Variants in MGLL observed in about 807,000 individuals in gnomAD.
The protein encoded by MGLL is monoglyceride lipase, also known as lysophospholipase homolog.
A neutral mutation model predicts 29.1 loss-of-function variants in MGLL; 7 were observed. That is an observed-to-expected ratio of 0.24 (90% CI 0.14 to 0.45). The LOEUF (loss-of-function observed/expected upper bound fraction) is 0.45. MGLL is among the 20% of genes least tolerant of loss of function. The pLI, the probability that MGLL is intolerant of heterozygous loss-of-function variation, is 0.99. For missense variants in MGLL, 356 were observed against 413.6 expected (o/e 0.86, Z 1.21); for synonymous variants, 148 against 168.3 (o/e 0.88, Z 0.93).
rs73203038 is a variant in MGLL, at chr3:127,707,688, G to T, written c.600+2888C>A. On this transcript the variant is annotated intron_variant, in intron 6 of 7. Coordinates refer to ENST00000265052, the MANE Select transcript of MGLL (RefSeq NM_007283.7). ...ACTTCCTGGGGTCATGGTGAGACCA[G>T]AAGGGCTCTAGTGTCTGGCACAGAA... Among the ~76,000 whole-genome samples the T allele has an allele frequency of 5.7e-3, 866 of 152,350 alleles. 3 individuals carry two copies. Among genetic ancestry groups the T allele is most frequent in the Non-Finnish European group, 8.6e-3 (586 of 68,028 alleles).
chr3:127,708,906 A>G (rs1299333375), intron 6 of MGLL, among the ~76,000 whole-genome samples: 1 of 152,240 alleles, frequency 6.6e-6, no homozygotes, highest in Non-Finnish European at 1.5e-5. Flanking sequence ...AACAGAGCTT[A>G]ATGACCATAA....
chr3:127,774,094 G>C (rs2076993554), intron 3 of MGLL, among the ~76,000 whole-genome samples: 1 of 152,192 alleles, frequency 6.6e-6, no homozygotes, highest in Non-Finnish European at 1.5e-5. Flanking sequence ...AGCAGCCTCT[G>C]TTCCTCCTCC....
At position 127,698,361 on chromosome 3, in the gene MGLL, C is replaced by T. The variant is rs1223824533; in HGVS notation, c.601-3171G>A. Among the ~76,000 whole-genome samples, 7 of 152,272 alleles carry T rather than the reference C, an allele frequency of 4.6e-5. No homozygotes were observed. In the South Asian group the frequency reaches 1.4e-3, roughly 32 times the overall value. ...TTTTTTGACAGCTTAAGATCTCAAT[C>T]CACCAAAAGTCCTAGGAATGTGGCT... On this transcript the variant is annotated intron_variant, in intron 6 of 7. Transcript: ENST00000265052.
rs1559926463 is a variant in MGLL at position 127,726,202 on chromosome 3, GAAAGACA to G, written c.263-3643_263-3637del. ...AAAGAAAGAAAAGAAAAGAAAGAAA[GAAAGACA>G]GAAGGAAGGAAAGAGAAAGAAAGAG... On this transcript the variant is annotated intron_variant, in intron 3 of 7. Coordinates refer to ENST00000265052, the MANE Select transcript of MGLL (RefSeq NM_007283.7). Among the ~76,000 whole-genome samples, 5 of 119,132 alleles carry G rather than the reference GAAAGACA, an allele frequency of 4.2e-5. 1 individual carries two copies. The highest frequency in any genetic ancestry group is 9.6e-5 in the Non-Finnish European group (5 of 52,334). The allele number at this position is 119,132 out of a possible 152,430, so 78.2% of individuals were successfully genotyped here. A position where few individuals can be genotyped will look rare whatever the true frequency, so the allele number is the denominator to read the frequency against.
intron 5 of MGLL, chr3:127,710,989 G>C: frequency 2.5e-6 from 1 of 397,778 alleles, no homozygotes; most frequent in East Asian, 5.8e-5. Flanking sequence ...TCACTGGCAA[G>C]AGTTGCCTGG....
chr3:127,694,336 T>C (rs2075311904), intron 7 of MGLL, among the ~76,000 whole-genome samples: 4 of 84,182 alleles, frequency 4.8e-5, no homozygotes, highest in Non-Finnish European at 9.4e-5. Context: ...TATGTGTATA[T>C]ATATGTATGT....
chr3:127,703,790 G>A lies in MGLL; in HGVS notation c.600+6786C>T, dbSNP rs533370464. Reference sequence around the variant, plus strand: ...CCACAGAATAGGAGAAAATACTTGCGAATTATATTTGTATATGTGGTTAAT... The same window carrying A: ...CCACAGAATAGGAGAAAATACTTGCAAATTATATTTGTATATGTGGTTAAT... On this transcript the variant is annotated intron_variant, in intron 6 of 7. Coordinates refer to ENST00000265052, the MANE Select transcript of MGLL (RefSeq NM_007283.7). Among the ~76,000 whole-genome samples the A allele has an allele frequency of 1.8e-3, 268 of 152,270 alleles. 1 individual carries two copies. Among genetic ancestry groups the A allele is most frequent in the African/African-American group, 6.0e-3 (249 of 41,544 alleles).
At chr3:127,818,001 C>A (rs2077788056) in intron 2 of MGLL, among the ~76,000 whole-genome samples, 1 of 152,244 alleles carries the variant, frequency 6.6e-6, no homozygotes, top group African/African-American at 2.4e-5. Flanking sequence ...TGCTCTGTCA[C>A]CCAGGCTGGA....
At chr3:127,769,324 C>G (rs562356478) in intron 3 of MGLL, among the ~76,000 whole-genome samples, 34 of 150,628 alleles carry the variant, frequency 2.3e-4, no homozygotes, top group African/African-American at 7.1e-4. Context: ...GCACTCCAGC[C>G]TGGGCAACAC....
intron 2 of MGLL, among the ~76,000 whole-genome samples, chr3:127,805,891 C>A (rs2077556734): frequency 6.6e-6 from 1 of 152,204 alleles, no homozygotes; most frequent in Non-Finnish European, 1.5e-5. Flanking sequence ...TCGTTTCCTG[C>A]CCCTTTCCAA....
At chr3:127,818,338 ATTG>A (rs899297325) in intron 2 of MGLL, among the ~76,000 whole-genome samples, 30 of 150,604 alleles carry the variant, frequency 2.0e-4, no homozygotes, top group African/African-American at 4.9e-4. Context: ...GTTTTTTGTT[ATTG>A]TTGTTGTTGT....
intron 7 of MGLL, among the ~76,000 whole-genome samples, chr3:127,694,014 G>A (rs1234810779): frequency 2.0e-5 from 3 of 152,094 alleles, no homozygotes; most frequent in Non-Finnish European, 4.4e-5. Context: ...GCTCACGCCT[G>A]CAATCCCAGC....
In MGLL at chr3:127,761,322, T is replaced by G. The variant is rs996195926; in HGVS notation, c.262+20467A>C. 5.3e-5 allele frequency among the ~76,000 whole-genome samples: 8 copies of G among 152,232 alleles called. No homozygotes were observed. Among genetic ancestry groups the G allele is most frequent in the African/African-American group, 1.9e-4 (8 of 41,546 alleles). On this transcript the variant is annotated intron_variant, in intron 3 of 7. Coordinates refer to ENST00000265052, the MANE Select transcript of MGLL (RefSeq NM_007283.7). This position sits in a 1 kb window ranked among gnomAD's most constrained non-coding sequence, Gnocchi z 4.6. ...CAAACTGGCTTCTCCCCTGCTGCTG[T>G]GTCTTGTTAGAGCCACCGTGTTGTG...
At chr3:127,708,625 G>C (rs782451) in intron 6 of MGLL, among the ~76,000 whole-genome samples, 85,458 of 152,166 alleles carry the variant, frequency 0.56, 26,918 homozygotes, top group African/African-American at 0.86. Flanking sequence ...GATAAACAAC[G>C]TGGATTTGCA....
Position 127,817,213 on chromosome 3 carries a change from G to A in MGLL, c.155+4481C>T, listed in dbSNP as rs79646777. Among the ~76,000 whole-genome samples the A allele has an allele frequency of 8.1e-4, 123 of 152,358 alleles. 1 individual carries two copies. The South Asian group carries it at 9.5e-3, about 12-fold the overall frequency. On this transcript the variant is annotated intron_variant, in intron 2 of 7. Transcript: ENST00000265052. ...AATGCAGGGGAATTTGGAACAAAAT[G>A]CTAAACAGAGATTTAAAGGAGGAGG...
intron 3 of MGLL, among the ~76,000 whole-genome samples, chr3:127,735,180 C>T (rs1419044092): frequency 6.6e-6 from 1 of 152,210 alleles, no homozygotes; most frequent in African/African-American, 2.4e-5. Context: ...TAAAGGAAGT[C>T]ATAAACTCAT....
intron 5 of MGLL, among the ~76,000 whole-genome samples, chr3:127,718,162 G>T (rs1024680736): frequency 6.6e-6 from 1 of 151,872 alleles, no homozygotes; most frequent in Non-Finnish European, 1.5e-5. Context: ...TGCAGGGGGT[G>T]GGGGCTGGCC....
chr3:127,789,070 C>T (rs996372274), intron 2 of MGLL, among the ~76,000 whole-genome samples: 7 of 152,082 alleles, frequency 4.6e-5, no homozygotes, highest in Non-Finnish European at 8.8e-5. Flanking sequence ...GTTATCCAAA[C>T]GCTCCACTGG....
intron 2 of MGLL, among the ~76,000 whole-genome samples, chr3:127,790,447 G>A (rs2077280738): frequency 6.6e-6 from 1 of 152,180 alleles, no homozygotes; most frequent in African/African-American, 2.4e-5. Flanking sequence ...GATCTGATTT[G>A]AAGACCTTTC....
Sources: gnomAD v4.1 joint callset for allele counts (sites outside exome capture counted in the v4.1 genomes callset) on GRCh38, gnomAD v4.1.1 for gene constraint, Gnocchi (gnomAD v3.1) non-coding constraint, MANE v1.5 for transcripts, NCBI Gene and HGNC (gene_info 2026-07-23, HGNC 2026-07-21) for gene names.